FASN: variants seen among roughly 807,000 people sequenced by gnomAD.
FASN encodes 3-hydroxyacyl-[acyl-carrier-protein] dehydratase.
FASN carries 50 observed loss-of-function variants against 250.0 expected under a neutral mutation model. The ratio of observed to expected loss-of-function variants is 0.20; its 90% CI spans 0.16 to 0.25. The LOEUF is 0.25. Ranked by LOEUF, FASN falls within the 10% of genes least tolerant of loss-of-function variation. The pLI, the probability that FASN is intolerant of heterozygous loss-of-function variation, is 1.00. For synonymous variants in FASN, 1,909 were observed against 1,584.0 expected (o/e 1.21, Z -4.87); for missense variants, 3,031 against 3,498.5 (o/e 0.87, Z 3.37).
intron 35 of FASN, 68 bp from the exon 36 acceptor site, chr17:82,082,228 A>G: frequency 1.2e-6 from 2 of 1,602,012 alleles, no homozygotes; most frequent in Non-Finnish European, 1.7e-6. Flanking sequence ...CATCCCCAGG[A>G]AACGCCAGAG....
intron 41 of FASN, chr17:82,079,868 T>C (rs2033956871): frequency 1.6e-6 from 1 of 631,138 alleles, no homozygotes. Context: ...CCACCATGCC[T>C]GGCTAATTTT....
At position 82,080,137 on chromosome 17, in the gene FASN, C is replaced by G; in HGVS notation, c.7146+3G>C. The G allele has an allele frequency of 6.2e-7, 1 of 1,613,002 alleles. No homozygotes were observed. The highest frequency in any genetic ancestry group is 1.1e-5 in the South Asian group (1 of 91,088). On this transcript the variant is annotated splice_donor_region_variant and intron_variant, in intron 41 of 42. Coordinates refer to ENST00000306749, the MANE Select transcript of FASN (RefSeq NM_004104.5). ...TGCGGCCTCAGGGGTGTCCAGGACC[C>G]ACCCTGTTGTGCTCCATGTCCGTGA...
In FASN at chr17:82,081,663, G is replaced by A. The variant is rs2033989606; in HGVS notation, c.6344C>T (p.Ala2115Val). The A allele has an allele frequency of 6.2e-7, 1 of 1,612,660 alleles. No homozygotes were observed. Among genetic ancestry groups the A allele is most frequent in the Non-Finnish European group, 8.5e-7 (1 of 1,180,014 alleles). ...VLSSFVLAEK[A>V]AAYRDRDSQR... ...GCTGTCCCTGTCCCTATAGGCCGCA[G>A]CCTTCTCAGCCAGCACAAAGCTGCT... is the stretch of plus-strand genomic sequence containing the variant. The change falls in exon 37 of 43, where the codon GCT becomes GTT. Residue 2115 changes from alanine (A) to valine (V), a missense_variant. By Grantham distance (64) the Ala-to-Val change is moderately conservative. Transcript: ENST00000306749.
rs1140624 is a variant in FASN at position 82,079,164 on chromosome 17, G to A, written c.7515C>T (p.Arg2505=). The stretch of plus-strand genomic sequence containing the variant: ...GGGCCTAGCCCTCCCGCACGCTCAC[G>A]CGTGGCTCAGCCAGGGAGCTGTGGA... ...SIIHSSLAEP[R]VSVREG is the part of the protein sequence containing the mutation. Residue 2505 remains arginine, a synonymous_variant, in exon 43 of 43, where the codon CGC becomes CGT. Transcript: ENST00000306749. The A allele has an allele frequency of 4.5e-5, 72 of 1,612,398 alleles. 1 individual carries two copies. The Middle Eastern group carries it at 9.9e-4, about 22-fold the overall frequency.
At chr17:82,086,690 G>T in intron 21 of FASN, 132 bp from the exon 22 acceptor site, 1 of 761,554 alleles carries the variant, frequency 1.3e-6, no homozygotes. Flanking sequence ...ATAGCTGAGG[G>T]TTGAGGAAGG....
intron 1 of FASN, chr17:82,096,722 G>C (rs960572223): frequency 4.0e-6 from 2 of 502,274 alleles, no homozygotes; most frequent in Non-Finnish European, 7.3e-6. Context: ...TACCCCACTG[G>C]AGCCCTGCAG....
rs1413447159 is a variant in FASN at position 82,088,040 on chromosome 17, G to A, written c.2786-6C>T. 6 of 1,612,674 alleles carry A rather than the reference G, an allele frequency of 3.7e-6. No individual in the cohort carries two copies. In the East Asian group the frequency reaches 8.9e-5, roughly 24 times the overall value. ...TACCTCCAGGGACACTGTCCCTGCA[G>A]AGCGGGAGAGTTGGAGATCAGAGGG... is the stretch of plus-strand genomic sequence containing the variant. On this transcript the variant is annotated splice_polypyrimidine_tract_variant and splice_region_variant and intron_variant, in intron 17 of 42. Coordinates refer to ENST00000306749, the MANE Select transcript of FASN (RefSeq NM_004104.5).
chr17:82,083,705 C>T (rs1279332268), intron 30 of FASN, 66 bp from the exon 31 acceptor site: 2 of 1,606,392 alleles, frequency 1.2e-6, no homozygotes, highest in Non-Finnish European at 1.7e-6. Context: ...TCCAGAGGGC[C>T]AGACCCTGCT....
rs755317253 is a variant in FASN, at chr17:82,080,891, A to T, written c.6627T>A (p.Gly2209=). ...TCAGCTGAGTCTGCTGCTGGGCCAGACCATCCTCCTTGGGCGTGGGGCATG... is the reference window on the plus strand; with the variant it reads ...TCAGCTGAGTCTGCTGCTGGGCCAGTCCATCCTCCTTGGGCGTGGGGCATG... ...ELACPTPKED[G]LAQQQTQLNL... is the part of the protein sequence containing the mutation. Residue 2209 remains glycine, a synonymous_variant, in exon 39 of 43, where the codon GGT becomes GGA. Transcript: ENST00000306749. 22 of 1,610,758 alleles carry T rather than the reference A, an allele frequency of 1.4e-5. No homozygotes were observed. The South Asian group carries it at 2.3e-4, about 17-fold the overall frequency.
Position 82,080,190 on chromosome 17 carries a change from C to T in FASN, c.7096G>A (p.Glu2366Lys). The T allele has an allele frequency of 6.2e-7, 1 of 1,613,254 alleles. No individual in the cohort carries two copies. The highest frequency in any genetic ancestry group is 8.5e-7 in the Non-Finnish European group (1 of 1,180,016). Residue 2366 changes from glutamate (E) to lysine (K), a missense_variant, in exon 41 of 43, where the codon GAG becomes AAG. Physicochemically the swap from Glu to Lys is moderately conservative, Grantham distance 56. Transcript: ENST00000306749. ...TGCTGCACGAAGAAGCATATGGCCT[C>T]CGTCTCAGCCTCAGCCTCACAGCCT... is the stretch of plus-strand genomic sequence containing the variant. ...TPGCEAEAETEAICFFVQQFT... is the reference protein window; with the variant it reads ...TPGCEAEAETKAICFFVQQFT...
chr17:82,083,431 G>A lies in FASN; in HGVS notation c.5342-6C>T. ...CTTCAGGAAGATAGCCATGCCTGCGGGCAGGGGCCGTGCTCACCCAGGGCC... is the reference window on the plus strand; with the variant it reads ...CTTCAGGAAGATAGCCATGCCTGCGAGCAGGGGCCGTGCTCACCCAGGGCC... On this transcript the variant is annotated splice_region_variant and splice_polypyrimidine_tract_variant and intron_variant, in intron 31 of 42. Transcript: ENST00000306749. The A allele has an allele frequency of 6.2e-7, 1 of 1,612,690 alleles. No individual in the cohort carries two copies. Among genetic ancestry groups the A allele is most frequent in the Non-Finnish European group, 8.5e-7 (1 of 1,180,004 alleles).
chr17:82,093,161 CG>C (rs1301096232), intron 5 of FASN, 57 bp downstream of exon 5: 16 of 1,536,802 alleles, frequency 1.0e-5, no homozygotes, highest in African/African-American at 1.4e-5. Flanking sequence ...GGGGACTGTG[CG>C]GGGGGCCGTC....
At position 82,080,240 on chromosome 17, in the gene FASN, TGA is replaced by T; in HGVS notation, c.7048-4_7048-3del. 1 of 1,613,026 alleles carries T rather than the reference TGA, an allele frequency of 6.2e-7. No individual in the cohort carries two copies. On this transcript the variant is annotated splice_region_variant and splice_polypyrimidine_tract_variant and intron_variant, in intron 40 of 42. Transcript: ENST00000306749. ...TGGGGTCAGCTTTGCCCGGTAGCTC[TGA>T]GAGGAAGGAGGGACTGCTGAGCAGA...
chr17:82,083,145 G>A (rs376126285), intron 32 of FASN, 30 bp from the exon 33 acceptor site: 77 of 1,610,386 alleles, frequency 4.8e-5, no homozygotes, highest in Non-Finnish European at 6.3e-5. Context: ...ACCGGCTCAG[G>A]CACTGCCTGG....
rs1239709652 is a variant in FASN, at chr17:82,082,609, A to C, written c.5837T>G (p.Ile1946Ser). 1 of 1,610,710 alleles carries C rather than the reference A, an allele frequency of 6.2e-7. No individual in the cohort carries two copies. Among genetic ancestry groups the C allele is most frequent in the Admixed American group, 1.7e-5 (1 of 59,978 alleles). Residue 1946 changes from isoleucine (I) to serine (S), a missense_variant, in exon 34 of 43, where the codon ATC becomes AGC. By Grantham distance (142) the Ile-to-Ser change is moderately radical (BLOSUM62 -2). Transcript: ENST00000306749. ...GVQVQVSTSN[I>S]SSLEGARGLI... is the part of the protein sequence containing the mutation. ...GCCCCGGGCCCCCTCCAGTGAGCTG[A>C]TGTTGCTGGTGGACACCTGCACCTG...
At position 82,079,293 on chromosome 17, in the gene FASN, C is replaced by A. The variant is rs753380464; in HGVS notation, c.7399-13G>T. 1.9e-6 allele frequency: 3 copies of A among 1,612,866 alleles called. No homozygotes were observed. The African/African-American group carries it at 4.0e-5, about 22-fold the overall frequency. On this transcript the variant is annotated splice_polypyrimidine_tract_variant and intron_variant, in intron 42 of 42. Transcript: ENST00000306749. The stretch of plus-strand genomic sequence containing the variant: ...TCCCGTCGCATACCTGCAGGGGATG[C>A]GATCAGCTGCCGTCCCACCCCACTC...
intron 3 of FASN, chr17:82,094,032 G>A: frequency 1.8e-6 from 1 of 562,996 alleles, no homozygotes; most frequent in Admixed American, 3.0e-5. Flanking sequence ...AGGCGGAGGG[G>A]GCAGGCGGGC....
chr17:82,082,291 C>G, intron 35 of FASN, 32 bp downstream of exon 35: 1 of 1,610,484 alleles, frequency 6.2e-7, no homozygotes, highest in Non-Finnish European at 8.5e-7. Flanking sequence ...CAGAGCCCGG[C>G]AGAGGCGGGA....
intron 8 of FASN, among the ~76,000 whole-genome samples, 174 bp from the exon 9 acceptor site, chr17:82,091,858 C>T (rs929861077): frequency 3.9e-5 from 6 of 152,278 alleles, no homozygotes; most frequent in East Asian, 3.9e-4. Context: ...AGGACTGAGC[C>T]GCCATGGCCC....
Sources: allele counts gnomAD v4.1 joint callset (sites outside exome capture counted in the v4.1 genomes callset), GRCh38; gene constraint gnomAD v4.1.1; transcripts MANE v1.5; gene names NCBI Gene and HGNC (gene_info 2026-07-23, HGNC 2026-07-21).